Variants in KCNJ16 observed in about 807,000 individuals in gnomAD.
KCNJ16 encodes the protein inward rectifier potassium channel 16.
In KCNJ16, 15 loss-of-function variants were observed where a neutral mutation model predicts 18.5. The observed-to-expected ratio is 0.81, with a 90% CI of 0.54 to 1.25. KCNJ16 has a LOEUF of 1.25. KCNJ16 is among the 50% of genes most tolerant of loss of function. KCNJ16 has a pLI of 0.00. For missense variants in KCNJ16, 523 were observed against 525.7 expected, an observed-to-expected ratio of 0.99 and a Z score of 0.05; for synonymous variants, 174 against 186.5, an observed-to-expected ratio of 0.93 and a Z score of 0.55.
intron 2 of KCNJ16, among the ~76,000 whole-genome samples, chr17:70,124,425 A>T (rs79611307): frequency 0.036 from 5,473 of 150,980 alleles, 227 homozygotes; most frequent in East Asian, 0.12. Context: ...CTCATTTTTT[A>T]AAAAAAAACT....
chr17:70,113,192 G>C (rs1188908870), intron 2 of KCNJ16, among the ~76,000 whole-genome samples: 4 of 152,132 alleles, frequency 2.6e-5, no homozygotes, highest in African/African-American at 9.7e-5. Context: ...AGAAAATCAA[G>C]AAGTAACCAC....
At chr17:70,110,170 T>C (rs932145323) in intron 2 of KCNJ16, among the ~76,000 whole-genome samples, 4 of 152,182 alleles carry the variant, frequency 2.6e-5, no homozygotes, top group African/African-American at 9.7e-5. Context: ...CCTGTTATGG[T>C]GTGAATGTCT....
At chr17:70,114,304 T>C (rs930281056) in intron 2 of KCNJ16, among the ~76,000 whole-genome samples, 1 of 152,124 alleles carries the variant, frequency 6.6e-6, no homozygotes, top group Non-Finnish European at 1.5e-5. Flanking sequence ...AATAGACTAA[T>C]AAATAGACTC....
rs775596379 is a variant in KCNJ16 at position 70,133,049 on chromosome 17, A to G, written c.962A>G (p.Tyr321Cys). 1 of 1,614,182 alleles carries G rather than the reference A, an allele frequency of 6.2e-7. No individual in the cohort carries two copies. The highest frequency in any genetic ancestry group is 8.5e-7 in the Non-Finnish European group (1 of 1,180,020). The change falls in exon 4 of 4, where the codon TAC becomes TGC. Residue 321 changes from tyrosine (Y) to cysteine (C), a missense_variant. Tyr to Cys is a radical substitution (Grantham distance 194). Coordinates refer to ENST00000392671, the MANE Select transcript of KCNJ16 (RefSeq NM_170741.4). ...NDVLEVKRKYYKVNCLQFEGS... is the reference protein window; with the variant it reads ...NDVLEVKRKYCKVNCLQFEGS... ...GTCTTGGAAGTTAAGAGGAAGTATTACAAAGTGAACTGCTTACAGTTTGAA... is the reference window on the plus strand; with the variant it reads ...GTCTTGGAAGTTAAGAGGAAGTATTGCAAAGTGAACTGCTTACAGTTTGAA...
chr17:70,096,877 A>C (rs904800954), intron 1 of KCNJ16: 1 of 398,190 alleles, frequency 2.5e-6, no homozygotes, highest in African/African-American at 2.1e-5. Flanking sequence ...TATTGTTTAG[A>C]GTGTAGACCA....
chr17:70,103,329 C>CACACACACATATCACACAT (rs1320255354), intron 2 of KCNJ16, among the ~76,000 whole-genome samples: 1 of 129,490 alleles, frequency 7.7e-6, no homozygotes, highest in East Asian at 2.2e-4. Flanking sequence ...TATACACACA[C>CACACACACATATCACACAT]ATATATATAT....
At chr17:70,079,276 T>C (rs995182922) in intron 1 of KCNJ16, among the ~76,000 whole-genome samples, 2 of 152,224 alleles carry the variant, frequency 1.3e-5, no homozygotes, top group African/African-American at 4.8e-5. Flanking sequence ...GCAGAACTCC[T>C]TTCCCAGGAA....
chr17:70,121,971 T>C (rs1045124868), intron 2 of KCNJ16, among the ~76,000 whole-genome samples: 38 of 151,808 alleles, frequency 2.5e-4, no homozygotes, highest in South Asian at 2.1e-4. Context: ...AAGAAAAGAA[T>C]AGAAAATAGA....
intron 2 of KCNJ16, among the ~76,000 whole-genome samples, chr17:70,118,927 T>A (rs746658095): frequency 4.6e-5 from 7 of 152,192 alleles, no homozygotes; most frequent in African/African-American, 7.2e-5. Flanking sequence ...AAGTCTGAAG[T>A]CTTATCTGAG....
chr17:70,126,681 T>C (rs2073866492), intron 2 of KCNJ16, among the ~76,000 whole-genome samples: 1 of 152,154 alleles, frequency 6.6e-6, no homozygotes, highest in African/African-American at 2.4e-5. Context: ...CCGAAAACCA[T>C]TTTATTTTAG....
At position 70,106,590 on chromosome 17, in the gene KCNJ16, G is replaced by T. The variant is rs535591284; in HGVS notation, c.-191+5824G>T. Among the ~76,000 whole-genome samples, 18 of 152,290 alleles carry T rather than the reference G, an allele frequency of 1.2e-4. No individual in the cohort carries two copies. In the East Asian group the frequency reaches 3.3e-3, roughly 28 times the overall value. ...GAAAACACAAGCCAATTGCAATTTT[G>T]TGATGAGGAAGATGGGATACAGTTG... On this transcript the variant is annotated intron_variant, in intron 2 of 3. Coordinates refer to ENST00000392671, the MANE Select transcript of KCNJ16 (RefSeq NM_170741.4).
rs566121847 is a variant in KCNJ16 at position 70,097,578 on chromosome 17, G to C, written c.-299-3080G>C. 2.6e-5 allele frequency among the ~76,000 whole-genome samples: 4 copies of C among 152,158 alleles called. No homozygotes were observed. In the South Asian group the frequency reaches 8.3e-4, roughly 32 times the overall value. On this transcript the variant is annotated intron_variant, in intron 1 of 3. Transcript: ENST00000392671. Reference sequence around the variant, plus strand: ...ATGTGACTAAGAACAGGCCCTCATCGCAGCCCCATATAGCATAGTTTTCAA... The same window carrying C: ...ATGTGACTAAGAACAGGCCCTCATCCCAGCCCCATATAGCATAGTTTTCAA...
chr17:70,123,483 A>G (rs2073731931), intron 2 of KCNJ16, among the ~76,000 whole-genome samples: 1 of 152,198 alleles, frequency 6.6e-6, no homozygotes, highest in Non-Finnish European at 1.5e-5. Context: ...CAGACTAGAT[A>G]AGGCCCTGTA....
At chr17:70,079,982 C>A (rs555082707) in intron 1 of KCNJ16, among the ~76,000 whole-genome samples, 2 of 152,116 alleles carry the variant, frequency 1.3e-5, no homozygotes, top group Admixed American at 6.5e-5. Flanking sequence ...GGATTACAGG[C>A]GTGAGCAACC....
intron 2 of KCNJ16, among the ~76,000 whole-genome samples, chr17:70,126,386 T>A (rs1457440659): frequency 6.6e-6 from 1 of 152,210 alleles, no homozygotes; most frequent in African/African-American, 2.4e-5. Context: ...ACCCAGCTCC[T>A]ACTCCAAGAT....
intron 1 of KCNJ16, among the ~76,000 whole-genome samples, chr17:70,087,679 C>T (rs1226245901): frequency 6.6e-6 from 1 of 151,930 alleles, no homozygotes. Flanking sequence ...TGCACTCCAG[C>T]CTGGATGACA....
At chr17:70,106,683 G>C (rs1205059407) in intron 2 of KCNJ16, among the ~76,000 whole-genome samples, 1 of 152,118 alleles carries the variant, frequency 6.6e-6, no homozygotes, top group East Asian at 1.9e-4. Context: ...TTTCTGACCT[G>C]CAATATTTAA....
intron 1 of KCNJ16, among the ~76,000 whole-genome samples, chr17:70,080,099 G>A (rs1263735709): frequency 6.6e-6 from 1 of 152,128 alleles, no homozygotes; most frequent in African/African-American, 2.4e-5. Context: ...TTATTTCTGA[G>A]ACACTGACAG....
chr17:70,110,865 C>G (rs2144000687), intron 2 of KCNJ16, among the ~76,000 whole-genome samples: 1 of 152,290 alleles, frequency 6.6e-6, no homozygotes, highest in South Asian at 2.1e-4. Context: ...CTTCCTTTGA[C>G]CTCTTTCCTT....
Sources: gnomAD v4.1 joint callset for allele counts (sites outside exome capture counted in the v4.1 genomes callset) on GRCh38, gnomAD v4.1.1 for gene constraint, MANE v1.5 for transcripts, NCBI Gene and HGNC (gene_info 2026-07-23, HGNC 2026-07-21) for gene names.